Variants in HIVEP3 observed in about 807,000 individuals in gnomAD.
HIVEP3 encodes the protein transcription factor HIVEP3.
HIVEP3 carries 49 observed loss-of-function variants against 152.8 expected under a neutral mutation model. The ratio of observed to expected loss-of-function variants is 0.32; its 90% CI spans 0.26 to 0.41. The LOEUF (loss-of-function observed/expected upper bound fraction) is 0.41, where lower values mean the gene tolerates loss of function less well. Among genes scored for constraint, HIVEP3 ranks in the 10% least tolerant of loss-of-function variants. The probability of loss-of-function intolerance (pLI) is 1.00; values close to 1 mark genes in which losing one functional copy is unlikely to be tolerated. For synonymous variants in HIVEP3, 1,269 were observed against 1,289.0 expected (o/e 0.98, Z 0.33); for missense variants, 2,790 against 3,103.3 (o/e 0.90, Z 2.40).
intron 3 of HIVEP3, among the ~76,000 whole-genome samples, chr1:41,620,835 T>C (rs1319703660): frequency 2.0e-5 from 3 of 152,212 alleles, no homozygotes; most frequent in South Asian, 4.1e-4. Flanking sequence ...GAAACCCTGA[T>C]TGGTTCAACA....
intron 1 of HIVEP3, among the ~76,000 whole-genome samples, chr1:41,905,438 G>A (rs1229939596): frequency 6.6e-6 from 1 of 152,154 alleles, no homozygotes; most frequent in Admixed American, 6.5e-5. Flanking sequence ...GCTGTTAAAA[G>A]GGGATCTGAC....
Position 41,582,381 on chromosome 1 carries a change from A to G in HIVEP3, c.2417T>C (p.Phe806Ser). ...CTGCTCGAGAGAATCAGATTTCTCA[A>G]AGGAGCTGGTGTGCTGGATGACAGA... ...EISVIQHTSS[F>S]EKSDSLEQPS... Residue 806 changes from phenylalanine (F) to serine (S), a missense_variant, in exon 4 of 9, where the codon TTT (phenylalanine) becomes TCT (serine). This residue lies in a region of HIVEP3 where 1,078 missense variants were observed against 1,165.3 expected (regional missense o/e 0.93). Transcript: ENST00000372583. This position sits in a 1 kb window ranked among gnomAD's most constrained non-coding sequence, Gnocchi z 4.7. 1 of 1,614,090 alleles carries G rather than the reference A, an allele frequency of 6.2e-7. No individual in the cohort carries two copies. The highest frequency in any genetic ancestry group is 2.2e-5 in the East Asian group (1 of 44,892).
chr1:41,955,891 A>C (rs946600971), intron 1 of HIVEP3, among the ~76,000 whole-genome samples: 5 of 152,236 alleles, frequency 3.3e-5, no homozygotes, highest in South Asian at 2.1e-4. Context: ...TCCGGGACTT[A>C]AGTTATTTCT....
intron 1 of HIVEP3, among the ~76,000 whole-genome samples, chr1:41,721,449 G>A (rs1036758721): frequency 2.0e-5 from 3 of 152,018 alleles, no homozygotes; most frequent in South Asian, 2.1e-4. Flanking sequence ...CAGGTGATCC[G>A]CCCACCTCGG....
intron 1 of HIVEP3, among the ~76,000 whole-genome samples, chr1:41,795,425 G>A (rs1649929366): frequency 6.6e-6 from 1 of 152,186 alleles, no homozygotes; most frequent in African/African-American, 2.4e-5. Flanking sequence ...TGCATTACTG[G>A]TGATGTTAAC....
intron 2 of HIVEP3, among the ~76,000 whole-genome samples, chr1:41,677,271 CTCTAACACGCT>C (rs943297900): frequency 7.9e-5 from 12 of 152,210 alleles, no homozygotes; most frequent in Admixed American, 5.9e-4. Flanking sequence ...CCATGCACTG[CTCTAACACGCT>C]TCACACGTAT....
At chr1:41,914,454 A>T (rs1644841032) in intron 1 of HIVEP3, among the ~76,000 whole-genome samples, 1 of 152,238 alleles carries the variant, frequency 6.6e-6, no homozygotes, top group Non-Finnish European at 1.5e-5. Flanking sequence ...GAAACTGAGA[A>T]ATACTCTTCC....
intron 1 of HIVEP3, among the ~76,000 whole-genome samples, chr1:41,706,898 G>T (rs977834602): frequency 6.6e-6 from 1 of 152,178 alleles, no homozygotes; most frequent in African/African-American, 2.4e-5. Flanking sequence ...TTAAGCTATC[G>T]TTCTATAAAG....
chr1:41,751,700 G>A (rs1647166040), intron 1 of HIVEP3, among the ~76,000 whole-genome samples: 1 of 152,204 alleles, frequency 6.6e-6, no homozygotes, highest in African/African-American at 2.4e-5. Context: ...AGCACTCAGT[G>A]GTGGGCAAGG....
chr1:41,795,298 A>G (rs1461853869), intron 1 of HIVEP3, among the ~76,000 whole-genome samples: 1 of 152,076 alleles, frequency 6.6e-6, no homozygotes, highest in East Asian at 1.9e-4. Context: ...ATGTCCCTCA[A>G]TTTGGATTTG....
intron 5 of HIVEP3, among the ~76,000 whole-genome samples, chr1:41,564,340 C>A (rs1324061690): frequency 1.3e-5 from 2 of 152,064 alleles, no homozygotes; most frequent in Non-Finnish European, 2.9e-5. Context: ...GATAGGAGGG[C>A]CAAGGCCTGA....
chr1:41,794,540 A>C lies in HIVEP3; in HGVS notation c.-800-93545T>G, dbSNP rs149563871. On this transcript the variant is annotated intron_variant, in intron 1 of 8. Transcript: ENST00000372583. ...GATATTTGAAGCAATTTATGCTCTTAACAGTGGTTGTTTACCATGCCTGGG... is the reference window on the plus strand; with the variant it reads ...GATATTTGAAGCAATTTATGCTCTTCACAGTGGTTGTTTACCATGCCTGGG... 6.0e-4 allele frequency among the ~76,000 whole-genome samples: 91 copies of C among 152,294 alleles called. 1 individual carries two copies. The highest frequency in any genetic ancestry group is 9.8e-4 in the Admixed American group (15 of 15,298).
chr1:41,667,947 G>A (rs1222260600), intron 2 of HIVEP3, among the ~76,000 whole-genome samples: 1 of 152,190 alleles, frequency 6.6e-6, no homozygotes, highest in South Asian at 2.1e-4. Flanking sequence ...AGCTGATGAA[G>A]TGAGGGAAGG....
intron 2 of HIVEP3, among the ~76,000 whole-genome samples, chr1:41,668,021 C>T (rs1247744429): frequency 1.3e-5 from 2 of 152,018 alleles, no homozygotes; most frequent in Non-Finnish European, 2.9e-5. Context: ...ACAGGAATGA[C>T]AAAAAAGAGT....
intron 1 of HIVEP3, among the ~76,000 whole-genome samples, chr1:41,973,183 T>A (rs892878399): frequency 6.6e-6 from 1 of 152,182 alleles, no homozygotes; most frequent in Admixed American, 6.5e-5. Flanking sequence ...GTATATAAGT[T>A]ATCTATTGCT....
intron 1 of HIVEP3, among the ~76,000 whole-genome samples, chr1:41,867,381 G>A (rs1393272134): frequency 6.6e-6 from 1 of 152,104 alleles, no homozygotes; most frequent in Non-Finnish European, 1.5e-5. Flanking sequence ...TTAGTTTGAG[G>A]TGCCATATAA....
chr1:42,025,896 C>T (rs1243244779), intron 1 of HIVEP3, among the ~76,000 whole-genome samples: 1 of 151,982 alleles, frequency 6.6e-6, no homozygotes, highest in African/African-American at 2.4e-5. Flanking sequence ...ATGGCAAAAC[C>T]CTGTCTCTAC....
chr1:41,991,659 T>C (rs1330792396), intron 1 of HIVEP3, among the ~76,000 whole-genome samples: 1 of 151,990 alleles, frequency 6.6e-6, no homozygotes, highest in East Asian at 1.9e-4. Context: ...GAGGTCAGCA[T>C]CATTCTGATA....
chr1:41,977,469 C>A (rs1468358039), intron 1 of HIVEP3, among the ~76,000 whole-genome samples: 1 of 152,152 alleles, frequency 6.6e-6, no homozygotes, highest in Non-Finnish European at 1.5e-5. Context: ...TCCCACCTGC[C>A]AGCCGCCGGT....
Sources: allele counts gnomAD v4.1 joint callset (sites outside exome capture counted in the v4.1 genomes callset), GRCh38; gene constraint gnomAD v4.1.1; regional missense constraint gnomAD v4.1.1; non-coding constraint Gnocchi (gnomAD v3.1); transcripts MANE v1.5; gene names NCBI Gene and HGNC (gene_info 2026-07-23, HGNC 2026-07-21).